Variants in ANXA8 observed in about 807,000 individuals in gnomAD.
The protein encoded by ANXA8 is annexin A8.
Under a neutral mutation model 26.8 loss-of-function variants are expected in ANXA8, and 9 were observed. The observed-to-expected ratio is 0.34, with a 90% confidence interval of 0.20 to 0.59. The LOEUF (loss-of-function observed/expected upper bound fraction) is 0.59, where lower values mean the gene tolerates loss of function less well. Among genes scored for constraint, ANXA8 ranks in the 20% least tolerant of loss-of-function variants. ANXA8 has a pLI of 0.84. For synonymous variants in ANXA8, 39 were observed against 94.8 expected (o/e 0.41, Z 3.42); for missense variants, 83 against 238.5 (o/e 0.35, Z 4.29).
chr10:47,688,095 C>G, the ANXA8 span, among the ~76,000 whole-genome samples: 11 of 150,102 alleles, frequency 7.3e-5, 1 homozygote, highest in African/African-American at 2.5e-4. Context: ...GAGCAAAACT[C>G]TGTCTCAAAA....
the ANXA8 span, chr10:47,567,956 T>G: frequency 1.5e-6 from 1 of 687,432 alleles, no homozygotes; most frequent in Non-Finnish European, 2.6e-6. Flanking sequence ...CTTTCAGATG[T>G]GCCGTTTGGG....
the ANXA8 span, among the ~76,000 whole-genome samples, chr10:47,892,443 T>G: frequency 3.4e-5 from 4 of 118,822 alleles, no homozygotes; most frequent in Non-Finnish European, 5.3e-5. Flanking sequence ...TCCTCTTCTT[T>G]GGGTAGGGTG....
At chr10:47,944,614 A>G in the ANXA8 span, among the ~76,000 whole-genome samples, 1 of 150,542 alleles carries the variant, frequency 6.6e-6, no homozygotes, top group Non-Finnish European at 1.5e-5. Flanking sequence ...TGTTCTCGTG[A>G]TGCTGAATAA....
At chr10:47,684,800 G>T in the ANXA8 span, among the ~76,000 whole-genome samples, 6 of 150,416 alleles carry the variant, frequency 4.0e-5, no homozygotes, top group Non-Finnish European at 7.4e-5. Context: ...TGGCCAGGCT[G>T]GTCTCAAACT....
chr10:47,562,154 T>C, the ANXA8 span, among the ~76,000 whole-genome samples: 1 of 151,896 alleles, frequency 6.6e-6, no homozygotes, highest in East Asian at 1.9e-4. Flanking sequence ...GCTTAGAATA[T>C]GCTCTTTATG....
the ANXA8 span, among the ~76,000 whole-genome samples, chr10:47,546,919 G>GTTCC: frequency 1.6e-5 from 2 of 122,726 alleles, no homozygotes; most frequent in Non-Finnish European, 3.4e-5. Context: ...AGTTGGGCTT[G>GTTCC]TAGGAAAGCA....
chr10:47,560,426 G>A, the ANXA8 span, among the ~76,000 whole-genome samples: 1 of 151,666 alleles, frequency 6.6e-6, no homozygotes, highest in African/African-American at 2.4e-5. Flanking sequence ...TTAATACATT[G>A]TTTTACCACT....
chr10:47,767,601 C>T, the ANXA8 span, among the ~76,000 whole-genome samples: 1 of 149,698 alleles, frequency 6.7e-6, no homozygotes, highest in Admixed American at 6.6e-5. Context: ...TGGCACTCCC[C>T]TACTCACCCC....
chr10:47,575,236 A>C, the ANXA8 span, among the ~76,000 whole-genome samples: 4 of 141,238 alleles, frequency 2.8e-5, no homozygotes, highest in Admixed American at 2.9e-4. Flanking sequence ...AGCAAGCAAG[A>C]AAGAAAGAAG....
the ANXA8 span, among the ~76,000 whole-genome samples, chr10:47,687,398 G>A: frequency 6.6e-6 from 1 of 151,528 alleles, no homozygotes. Flanking sequence ...CCTAGTAGCT[G>A]AGACTACAGG....
chr10:47,470,286 A>C (rs1839293956), intron 11 of ANXA8, among the ~76,000 whole-genome samples: 1 of 151,006 alleles, frequency 6.6e-6, no homozygotes, highest in African/African-American at 2.5e-5. Context: ...AATTTTCTTA[A>C]GTAACAACAT....
At chr10:47,971,185 T>C in the ANXA8 span, among the ~76,000 whole-genome samples, 1 of 150,926 alleles carries the variant, frequency 6.6e-6, no homozygotes, top group Non-Finnish European at 1.5e-5. Context: ...ATACGGTCTA[T>C]GGGCTTTGCT....
At chr10:47,750,743 C>G in the ANXA8 span, 1 of 147,228 alleles carries the variant, frequency 6.8e-6, no homozygotes, top group Non-Finnish European at 1.5e-5. Context: ...CGACTTAAAT[C>G]TAAATTTTAT....
the ANXA8 span, among the ~76,000 whole-genome samples, chr10:47,665,271 T>C: frequency 1.3e-5 from 2 of 149,510 alleles, no homozygotes; most frequent in South Asian, 4.2e-4. Context: ...AGTTTTATAT[T>C]ATTAAAACTC....
At chr10:47,769,681 A>T in the ANXA8 span, among the ~76,000 whole-genome samples, 1 of 147,144 alleles carries the variant, frequency 6.8e-6, no homozygotes, top group Non-Finnish European at 1.5e-5. Flanking sequence ...TCACTTCCAT[A>T]AAAAAATCAG....
At chr10:47,970,428 G>A in the ANXA8 span, 1 of 150,914 alleles carries the variant, frequency 6.6e-6, no homozygotes, top group African/African-American at 2.4e-5. Flanking sequence ...AGGGTAAGGG[G>A]TGGGTGAGGG....
At chr10:47,593,724 A>G in the ANXA8 span, among the ~76,000 whole-genome samples, 1 of 148,968 alleles carries the variant, frequency 6.7e-6, no homozygotes, top group East Asian at 1.9e-4. Flanking sequence ...ACTTTCAAAG[A>G]GAATAAAAAA....
At chr10:47,554,139 A>AAATAAATAAATAAATG in the ANXA8 span, among the ~76,000 whole-genome samples, 1 of 140,042 alleles carries the variant, frequency 7.1e-6, no homozygotes, top group East Asian at 2.2e-4. Context: ...ATAAATAAAT[A>AAATAAATAAATAAATG]AATAAATAAA....
the ANXA8 span, among the ~76,000 whole-genome samples, chr10:47,548,721 T>C: frequency 1.3e-5 from 2 of 151,444 alleles, no homozygotes; most frequent in African/African-American, 4.8e-5. Context: ...AAATTTTCTA[T>C]TGATAAACTC....
Sources: gnomAD v4.1 joint callset for allele counts (sites outside exome capture counted in the v4.1 genomes callset) on GRCh38, gnomAD v4.1.1 for gene constraint, MANE v1.5 for transcripts, NCBI Gene and HGNC (gene_info 2026-07-23, HGNC 2026-07-21) for gene names.